EXOC3L2: variants seen among roughly 807,000 people sequenced by gnomAD.
EXOC3L2 encodes exocyst complex component 3 like 2, also known as exocyst complex component 3-like protein 2.
EXOC3L2 carries 17 observed loss-of-function variants against 44.4 expected under a neutral mutation model. That is an observed-to-expected ratio of 0.38 (90% CI 0.26 to 0.57). The LOEUF is 0.57. Ranked by LOEUF, EXOC3L2 falls within the 20% of genes least tolerant of loss-of-function variation. The pLI, the probability that EXOC3L2 is intolerant of heterozygous loss-of-function variation, is 0.65. For synonymous variants in EXOC3L2, 256 were observed against 253.7 expected, an observed-to-expected ratio of 1.01 and a Z score of -0.09; for missense variants, 541 against 588.4, an observed-to-expected ratio of 0.92 and a Z score of 0.83.
chr19:45,217,811 G>T (rs1969853318), intron 9 of EXOC3L2, 128 bp from the exon 10 acceptor site: 1 of 1,133,472 alleles, frequency 8.8e-7, no homozygotes, highest in Non-Finnish European at 1.2e-6. Context: ...CACCCTTCCC[G>T]TGCCCACGCC....
intron 3 of EXOC3L2, among the ~76,000 whole-genome samples, chr19:45,232,364 T>G (rs981759522): frequency 3.9e-5 from 6 of 152,162 alleles, no homozygotes; most frequent in Non-Finnish European, 8.8e-5. Context: ...CCCTACAAAT[T>G]GGACCAAACC....
At chr19:45,218,158 T>TTG in intron 9 of EXOC3L2, 39 bp downstream of exon 9, 212 of 1,034,746 alleles carry the variant, frequency 2.0e-4, no homozygotes, top group Non-Finnish European at 2.6e-4. Context: ...TCCCCTCTTT[T>TTG]CCCCCACCCC....
At chr19:45,225,290 A>T (rs1405074626) in intron 7 of EXOC3L2, among the ~76,000 whole-genome samples, 2 of 145,016 alleles carry the variant, frequency 1.4e-5, no homozygotes, top group African/African-American at 2.6e-5. Flanking sequence ...TTTTTTTGAG[A>T]CGGAGTCTCG....
intron 8 of EXOC3L2, among the ~76,000 whole-genome samples, chr19:45,219,393 C>CAAAAAAAAAAAAAAAAAAAAAA (rs950797638): frequency 1.6e-4 from 8 of 51,532 alleles, no homozygotes; most frequent in East Asian, 5.8e-4. Context: ...GGCCCCGTCT[C>CAAAAAAAAAAAAAAAAAAAAAA]AAAAAAAAAA....
intron 7 of EXOC3L2, among the ~76,000 whole-genome samples, chr19:45,227,391 G>A (rs1969976285): frequency 6.6e-6 from 1 of 152,184 alleles, no homozygotes; most frequent in Non-Finnish European, 1.5e-5. Context: ...AAAGTGCTGG[G>A]ATTACAGGCA....
Position 45,213,227 on chromosome 19 carries a change from C to A in EXOC3L2, c.2251G>T (p.Ala751Ser). 6.2e-7 allele frequency: 1 copy of A among 1,612,050 alleles called. No individual in the cohort carries two copies. Residue 751 changes from alanine (A) to serine (S), a missense_variant, in exon 12 of 12, where the codon GCC (alanine) becomes TCC (serine). Transcript: ENST00000413988. ...GGCACAGGGATGTCTGCAAAGAAGG[C>A]ACGGTCCCGAGGGGGTGACAGGGCT... The part of the protein sequence containing the change: ...EGALSPPRDR[A>S]FFADIPVPRP...
intron 11 of EXOC3L2, among the ~76,000 whole-genome samples, 164 bp from the exon 12 acceptor site, chr19:45,213,521 C>T (rs1969801645): frequency 6.6e-6 from 1 of 152,064 alleles, no homozygotes; most frequent in Non-Finnish European, 1.5e-5. Flanking sequence ...GCTCCCTTGC[C>T]CAGGCCCTCA....
At position 45,217,528 on chromosome 19, in the gene EXOC3L2, C is replaced by A; in HGVS notation, c.1998G>T (p.Leu666=). The A allele has an allele frequency of 6.3e-7, 1 of 1,576,338 alleles. No homozygotes were observed. Among genetic ancestry groups the A allele is most frequent in the East Asian group, 2.4e-5 (1 of 41,746 alleles). Reference sequence around the variant, plus strand: ...CCCCCAACCGCGTCCCGACACTGACCAGCCGCCGGAACAGCCTCTGCAGTT... The same window carrying A: ...CCCCCAACCGCGTCCCGACACTGACAAGCCGCCGGAACAGCCTCTGCAGTT... ...AAQLQRLFRR[L]ESQASWLDAV... The change falls in exon 10 of 12, where the codon CTG becomes CTT. Residue 666 remains leucine (L), a splice_region_variant and synonymous_variant. Coordinates refer to ENST00000413988, the MANE Select transcript of EXOC3L2 (RefSeq NM_001382422.1).
At chr19:45,244,649 CCCT>C (rs1970155547) in intron 1 of EXOC3L2, among the ~76,000 whole-genome samples, 3 of 152,128 alleles carry the variant, frequency 2.0e-5, no homozygotes, top group Non-Finnish European at 4.4e-5. Context: ...CTCTTTGAGC[CCCT>C]CCTCCTCTTC....
chr19:45,234,329 C>A lies in EXOC3L2; in HGVS notation c.1021G>T (p.Gly341Cys). Residue 341 changes from glycine (G) to cysteine (C), a missense_variant, in exon 3 of 12, where the codon GGC becomes TGC. Transcript: ENST00000413988. The surrounding 1 kb of genome is among the most constrained non-coding windows in gnomAD (Gnocchi z 5.0). ...RGRLAPAYPA[G>C]LGAFGVYLRG... ...AGGTAGACGCCGAAGGCGCCCAGGC[C>A]GGCGGGGTAGGCGGGCGCCAGGCGG... 2.7e-6 allele frequency: 1 copy of A among 374,760 alleles called. No individual in the cohort carries two copies. The highest frequency in any genetic ancestry group is 4.7e-6 in the Non-Finnish European group (1 of 210,686). 23.2% of individuals were successfully genotyped at this position (374,760 alleles called of 1,614,324 possible).
chr19:45,243,282 G>A (rs1970144724), intron 1 of EXOC3L2, among the ~76,000 whole-genome samples: 2 of 152,218 alleles, frequency 1.3e-5, no homozygotes, highest in Admixed American at 6.5e-5. Flanking sequence ...CCACGACAGG[G>A]TTCTGAGCAG....
Position 45,217,706 on chromosome 19 carries a change from C to T in EXOC3L2, c.1843-23G>A, listed in dbSNP as rs905377252. 11 of 1,397,862 alleles carry T rather than the reference C, an allele frequency of 7.9e-6. No homozygotes were observed. In the Admixed American group the frequency reaches 3.4e-4, roughly 43 times the overall value. 86.6% of individuals were successfully genotyped at this position (1,397,862 alleles called of 1,614,324 possible). Reference sequence around the variant, plus strand: ...CGCCTGGAGGCGGAGGAGGGAAACCCGAGGGGTGTGAGCCATGCCCCACGG... The same window carrying T: ...CGCCTGGAGGCGGAGGAGGGAAACCTGAGGGGTGTGAGCCATGCCCCACGG... On this transcript the variant is annotated intron_variant, in intron 9 of 11. Transcript: ENST00000413988.
At chr19:45,240,311 T>A (rs888709436) in intron 1 of EXOC3L2, among the ~76,000 whole-genome samples, 9 of 151,480 alleles carry the variant, frequency 5.9e-5, no homozygotes, top group African/African-American at 2.2e-4. Context: ...TGAGACAGGG[T>A]CTTGCTATGT....
chr19:45,244,256 A>G (rs549451684), intron 1 of EXOC3L2, among the ~76,000 whole-genome samples: 29 of 152,054 alleles, frequency 1.9e-4, no homozygotes, highest in Non-Finnish European at 3.8e-4. Context: ...TGGCATCCAC[A>G]TGCCTCATCC....
At chr19:45,240,972 G>A (rs1158888202) in intron 1 of EXOC3L2, among the ~76,000 whole-genome samples, 1 of 152,148 alleles carries the variant, frequency 6.6e-6, no homozygotes, top group Non-Finnish European at 1.5e-5. Context: ...CAGGCGTTAG[G>A]GACACAGCAG....
chr19:45,232,303 A>C (rs963048769), intron 3 of EXOC3L2, among the ~76,000 whole-genome samples: 2 of 152,072 alleles, frequency 1.3e-5, no homozygotes. Flanking sequence ...ATCCACCCCC[A>C]AACACCCCAG....
chr19:45,233,772 T>C (rs372817087), intron 3 of EXOC3L2, among the ~76,000 whole-genome samples: 1 of 152,192 alleles, frequency 6.6e-6, no homozygotes, highest in African/African-American at 2.4e-5. Flanking sequence ...TAAGGTTGTA[T>C]GTAGGTCTAG....
intron 11 of EXOC3L2, among the ~76,000 whole-genome samples, chr19:45,214,777 T>C (rs904534272): frequency 1.3e-5 from 2 of 152,050 alleles, no homozygotes; most frequent in Non-Finnish European, 2.9e-5. Flanking sequence ...TCTGGTGTAC[T>C]AGTTTTAGAG....
intron 4 of EXOC3L2, among the ~76,000 whole-genome samples, chr19:45,228,799 C>T (rs1404108584): frequency 6.8e-6 from 1 of 146,962 alleles, no homozygotes; most frequent in African/African-American, 2.5e-5. Context: ...AGGCTGGGCG[C>T]GGTGGCTCAC....
Sources: gnomAD v4.1 joint callset for allele counts (sites outside exome capture counted in the v4.1 genomes callset) on GRCh38, gnomAD v4.1.1 for gene constraint, Gnocchi (gnomAD v3.1) non-coding constraint, MANE v1.5 for transcripts, NCBI Gene and HGNC (gene_info 2026-07-23, HGNC 2026-07-21) for gene names.